The following ARMC8 variants were observed in gnomAD, a reference collection of about 807,000 sequenced individuals.
ARMC8 encodes the protein armadillo repeat-containing protein 8.
In ARMC8, 20 loss-of-function variants were observed where a neutral mutation model predicts 99.3. That is an observed-to-expected ratio of 0.20 (90% CI 0.14 to 0.29). The LOEUF is 0.29. Among genes scored for constraint, ARMC8 ranks in the 10% least tolerant of loss-of-function variants. The probability of loss-of-function intolerance (pLI) is 1.00; values close to 1 mark genes in which losing one functional copy is unlikely to be tolerated. For missense variants in ARMC8, 569 were observed against 809.5 expected (o/e 0.70, Z 3.60); for synonymous variants, 263 against 278.3 (o/e 0.95, Z 0.55).
chr3:138,268,879 C>CTA (rs2048525721), intron 15 of ARMC8, among the ~76,000 whole-genome samples: 1 of 151,936 alleles, frequency 6.6e-6, no homozygotes, highest in Non-Finnish European at 1.5e-5. Context: ...AGAGTATGGG[C>CTA]TATAGATTTG....
At chr3:138,263,224 A>C in intron 12 of ARMC8, among the ~76,000 whole-genome samples, 2 of 152,372 alleles carry the variant, frequency 1.3e-5, no homozygotes, top group Middle Eastern at 6.8e-3. Context: ...TAGTGATTAT[A>C]TGTAGCAGCA....
At chr3:138,264,314 G>A in intron 14 of ARMC8, 102 bp downstream of exon 14, 1 of 805,744 alleles carries the variant, frequency 1.2e-6, no homozygotes, top group African/African-American at 1.7e-5. Context: ...TCTGATTTTT[G>A]TGTAGAGCAT....
At chr3:138,231,554 A>T (rs367591667) in intron 6 of ARMC8, among the ~76,000 whole-genome samples, 1 of 152,192 alleles carries the variant, frequency 6.6e-6, no homozygotes, top group Non-Finnish European at 1.5e-5. Flanking sequence ...TTGAAATTCT[A>T]ACTTCTAAAC....
chr3:138,216,812 A>G (rs372259112), intron 2 of ARMC8, among the ~76,000 whole-genome samples: 2 of 152,212 alleles, frequency 1.3e-5, no homozygotes, highest in African/African-American at 4.8e-5. Context: ...AGAAATACAC[A>G]TAGAGTATTC....
chr3:138,255,536 G>A (rs760101855), intron 12 of ARMC8, among the ~76,000 whole-genome samples: 4 of 152,140 alleles, frequency 2.6e-5, no homozygotes, highest in Admixed American at 1.3e-4. Flanking sequence ...CATGGAGTTA[G>A]AAGAATTTGG....
At chr3:138,260,782 A>G (rs1337547084) in intron 12 of ARMC8, among the ~76,000 whole-genome samples, 1 of 152,156 alleles carries the variant, frequency 6.6e-6, no homozygotes, top group Admixed American at 6.5e-5. Flanking sequence ...TCTTGGCCAC[A>G]CCCAGGGCAA....
At chr3:138,194,700 A>G (rs186777062) in intron 1 of ARMC8, among the ~76,000 whole-genome samples, 10 of 151,112 alleles carry the variant, frequency 6.6e-5, no homozygotes, top group Non-Finnish European at 1.3e-4. Flanking sequence ...CCAAATCTGG[A>G]TATTCCTTCA....
intron 12 of ARMC8, among the ~76,000 whole-genome samples, chr3:138,257,305 A>G (rs1461221306): frequency 6.6e-6 from 1 of 152,174 alleles, no homozygotes; most frequent in Non-Finnish European, 1.5e-5. Context: ...CTTTGTTTTA[A>G]TAAAGGAGAA....
intron 17 of ARMC8, among the ~76,000 whole-genome samples, chr3:138,274,187 A>T (rs1472616535): frequency 6.6e-6 from 1 of 151,804 alleles, no homozygotes; most frequent in Non-Finnish European, 1.5e-5. Context: ...ATATTCTGTC[A>T]GGTCAACTTT....
chr3:138,241,520 G>A (rs191348127), intron 10 of ARMC8, among the ~76,000 whole-genome samples: 25 of 152,090 alleles, frequency 1.6e-4, no homozygotes, highest in Admixed American at 1.5e-3. Context: ...TTGTCTTATC[G>A]GTCCCAAAAG....
intron 5 of ARMC8, among the ~76,000 whole-genome samples, chr3:138,228,075 A>C (rs936250899): frequency 2.6e-5 from 4 of 152,098 alleles, no homozygotes; most frequent in African/African-American, 9.7e-5. Context: ...CGCCTCTCCG[A>C]TTCAAGTGAT....
At chr3:138,265,396 A>G (rs1011097435) in intron 14 of ARMC8, among the ~76,000 whole-genome samples, 12 of 152,172 alleles carry the variant, frequency 7.9e-5, no homozygotes, top group Non-Finnish European at 2.9e-5. Context: ...AAGTGATCAT[A>G]TACCTTGCAT....
intron 1 of ARMC8, among the ~76,000 whole-genome samples, chr3:138,206,316 C>A (rs1443852352): frequency 6.6e-6 from 1 of 152,082 alleles, no homozygotes; most frequent in East Asian, 1.9e-4. Flanking sequence ...ACTTCCTAGC[C>A]ACATTTCAAA....
intron 21 of ARMC8, among the ~76,000 whole-genome samples, chr3:138,291,764 A>G (rs1170182095): frequency 6.6e-6 from 1 of 152,228 alleles, no homozygotes; most frequent in Non-Finnish European, 1.5e-5. Context: ...GAGGAAGAGT[A>G]TTACAGACAG....
chr3:138,283,384 G>T (rs890464086), intron 18 of ARMC8, among the ~76,000 whole-genome samples: 2 of 152,198 alleles, frequency 1.3e-5, no homozygotes, highest in African/African-American at 4.8e-5. Context: ...TCCTGACTGG[G>T]TTCCAGGACT....
At chr3:138,205,419 C>T (rs2044318982) in intron 1 of ARMC8, among the ~76,000 whole-genome samples, 1 of 152,150 alleles carries the variant, frequency 6.6e-6, no homozygotes, top group Non-Finnish European at 1.5e-5. Context: ...TCACACCCTA[C>T]ATCGAGTCTA....
chr3:138,238,366 CAG>C (rs2046439190), intron 9 of ARMC8: 2 of 152,232 alleles, frequency 1.3e-5, no homozygotes, highest in African/African-American at 4.8e-5. Flanking sequence ...TGCCCAGCTG[CAG>C]AGTTTTTATT....
At chr3:138,245,893 G>A in intron 12 of ARMC8, 2 of 985,432 alleles carry the variant, frequency 2.0e-6, no homozygotes, top group South Asian at 9.4e-5. Flanking sequence ...TCAAAAACAT[G>A]TATAACCTAA....
intron 17 of ARMC8, among the ~76,000 whole-genome samples, chr3:138,273,721 A>G (rs2048995398): frequency 6.6e-6 from 1 of 151,932 alleles, no homozygotes; most frequent in African/African-American, 2.4e-5. Context: ...ACAAGTTGTC[A>G]TTATGCATTT....
Sources: allele counts gnomAD v4.1 joint callset (sites outside exome capture counted in the v4.1 genomes callset), GRCh38; gene constraint gnomAD v4.1.1; transcripts MANE v1.5; gene names NCBI Gene and HGNC (gene_info 2026-07-23, HGNC 2026-07-21).